The following TBC1D9 variants were observed in gnomAD, a reference collection of about 807,000 sequenced individuals.
TBC1D9 encodes the protein TBC1 domain family member 9.
TBC1D9 carries 63 observed loss-of-function variants against 132.0 expected under a neutral mutation model. The ratio of observed to expected loss-of-function variants is 0.48; its 90% confidence interval spans 0.39 to 0.59. TBC1D9 has a LOEUF of 0.59. Among genes scored for constraint, TBC1D9 ranks in the 20% least tolerant of loss-of-function variants. The probability of loss-of-function intolerance (pLI) is 0.00; values close to 1 mark genes in which losing one functional copy is unlikely to be tolerated. For synonymous variants in TBC1D9, 610 were observed against 609.9 expected, an observed-to-expected ratio of 1.00 and a Z score of 0.00; for missense variants, 1,261 against 1,592.7, an observed-to-expected ratio of 0.79 and a Z score of 3.54.
chr4:140,733,657 C>T (rs1042839835), intron 1 of TBC1D9, among the ~76,000 whole-genome samples: 1 of 152,154 alleles, frequency 6.6e-6, no homozygotes, highest in Non-Finnish European at 1.5e-5. Flanking sequence ...CCTGTTTCTA[C>T]TTTGAGTGTC....
chr4:140,739,586 G>A (rs945528378), intron 1 of TBC1D9, among the ~76,000 whole-genome samples: 2 of 152,176 alleles, frequency 1.3e-5, no homozygotes, highest in African/African-American at 4.8e-5. Flanking sequence ...TCAGCAGGAT[G>A]CCTGAATCAC....
rs529665296 is a variant in TBC1D9 at position 140,625,859 on chromosome 4, T to C, written c.2900-1471A>G. ...TATGTGTACAATTTGAATAAAAAACTGAAATATTTCAAGGTGAATTATTAG... is the reference window on the plus strand; with the variant it reads ...TATGTGTACAATTTGAATAAAAAACCGAAATATTTCAAGGTGAATTATTAG... On this transcript the variant is annotated intron_variant, in intron 18 of 20. Transcript: ENST00000442267. 1.1e-4 allele frequency among the ~76,000 whole-genome samples: 16 copies of C among 152,314 alleles called. No homozygotes were observed. The East Asian group carries it at 3.1e-3, about 29-fold the overall frequency.
intron 1 of TBC1D9, among the ~76,000 whole-genome samples, chr4:140,755,532 G>C (rs1738994321): frequency 6.6e-6 from 1 of 152,064 alleles, no homozygotes; most frequent in African/African-American, 2.4e-5. Flanking sequence ...AAAGAAAGTG[G>C]AGCAAAAATT....
intron 1 of TBC1D9, among the ~76,000 whole-genome samples, chr4:140,753,204 T>C (rs1738952200): frequency 1.3e-5 from 2 of 152,144 alleles, no homozygotes; most frequent in African/African-American, 2.4e-5. Context: ...CATCCATTCC[T>C]GGGAGGCTGA....
At chr4:140,676,301 C>T (rs545392039) in intron 6 of TBC1D9, among the ~76,000 whole-genome samples, 11 of 152,234 alleles carry the variant, frequency 7.2e-5, no homozygotes, top group Non-Finnish European at 1.3e-4. Context: ...ATAAAACAAG[C>T]TATTTCAATA....
chr4:140,684,489 C>T (rs1737751164), intron 3 of TBC1D9, among the ~76,000 whole-genome samples: 1 of 152,066 alleles, frequency 6.6e-6, no homozygotes, highest in Non-Finnish European at 1.5e-5. Flanking sequence ...GCAAATCCCT[C>T]CTCATAATTG....
At chr4:140,750,981 A>G (rs1417847847) in intron 1 of TBC1D9, among the ~76,000 whole-genome samples, 1 of 152,116 alleles carries the variant, frequency 6.6e-6, no homozygotes, top group Non-Finnish European at 1.5e-5. Flanking sequence ...AAGTTAAAAA[A>G]ATGCATCAAT....
rs1289854254 is a variant in TBC1D9 at position 140,706,750 on chromosome 4, T to C, written c.131-5136A>G. 6.6e-6 allele frequency among the ~76,000 whole-genome samples: 1 copy of C among 152,244 alleles called. No homozygotes were observed. The highest frequency in any genetic ancestry group is 2.4e-5 in the African/African-American group (1 of 41,468). On this transcript the variant is annotated intron_variant, in intron 1 of 20. Transcript: ENST00000442267. This position sits in a 1 kb window ranked among gnomAD's most constrained non-coding sequence, Gnocchi z 4.0. ...CTGATGAGTATTTTACAAATTTGTCTGCAAGGTACACTGCAGCTTATTTTT... is the reference window on the plus strand; with the variant it reads ...CTGATGAGTATTTTACAAATTTGTCCGCAAGGTACACTGCAGCTTATTTTT...
intron 1 of TBC1D9, among the ~76,000 whole-genome samples, chr4:140,743,611 C>T (rs1344460349): frequency 1.3e-5 from 2 of 152,206 alleles, no homozygotes; most frequent in Non-Finnish European, 2.9e-5. Context: ...GCATTCCCTG[C>T]ACACTGCTGT....
chr4:140,752,749 A>T (rs1738945178), intron 1 of TBC1D9, among the ~76,000 whole-genome samples: 1 of 152,134 alleles, frequency 6.6e-6, no homozygotes, highest in Non-Finnish European at 1.5e-5. Context: ...GGAATCAGGA[A>T]CCTAGAATAT....
intron 11 of TBC1D9, 119 bp from the exon 12 acceptor site, chr4:140,657,931 T>G (rs939854171): frequency 8.7e-7 from 1 of 1,153,472 alleles, no homozygotes; most frequent in East Asian, 2.4e-5. Context: ...CTGACTGTTC[T>G]GCTGTGACTG....
At chr4:140,644,374 G>T (rs957524980) in intron 13 of TBC1D9, 8 of 282,350 alleles carry the variant, frequency 2.8e-5, no homozygotes, top group Non-Finnish European at 5.0e-5. Context: ...GTGTAGGCAG[G>T]CGCCTTGGAC....
At chr4:140,654,733 T>A (rs955798486) in intron 13 of TBC1D9, among the ~76,000 whole-genome samples, 6 of 152,150 alleles carry the variant, frequency 3.9e-5, no homozygotes, top group Non-Finnish European at 8.8e-5. Context: ...ATTCTTTATC[T>A]CCAATAGTGG....
At position 140,622,677 on chromosome 4, in the gene TBC1D9, C is replaced by A. The variant is rs757008202; in HGVS notation, c.3319G>T (p.Val1107Leu). Residue 1107 changes from valine (V) to leucine (L), a missense_variant, in exon 21 of 21, where the codon GTG (valine) becomes TTG (leucine). Physicochemically the swap from Val to Leu is conservative, Grantham distance 32 (BLOSUM62 1). Around this residue, in one of 3 missense-constraint regions of TBC1D9, gnomAD observed 618 missense variants for 724.4 expected, o/e 0.85. Transcript: ENST00000442267. Reference sequence around the variant, plus strand: ...GCCGGCAGGGGCTCAACAGACTCCACCACGTAAGGCTGGCCTGGCCCTTTC... The same window carrying A: ...GCCGGCAGGGGCTCAACAGACTCCAACACGTAAGGCTGGCCTGGCCCTTTC... ...PKKGPGQPYV[V>L]ESVEPLPASL... 3.1e-6 allele frequency: 5 copies of A among 1,610,734 alleles called. No individual in the cohort carries two copies. Among genetic ancestry groups the A allele is most frequent in the Non-Finnish European group, 4.2e-6 (5 of 1,178,474 alleles).
rs1478426991 is a variant in TBC1D9, at chr4:140,661,918, C to T, written c.1778G>A (p.Arg593Gln). 10 of 1,613,800 alleles carry T rather than the reference C, an allele frequency of 6.2e-6. No homozygotes were observed. The highest frequency in any genetic ancestry group is 1.7e-5 in the Admixed American group (1 of 60,004). The change falls in exon 10 of 21, where the codon CGA becomes CAA. Residue 593 changes from arginine to glutamine, a missense_variant. Arg to Gln is a conservative substitution (Grantham distance 43). Coordinates refer to ENST00000442267, the MANE Select transcript of TBC1D9 (RefSeq NM_015130.3). ...LRRVLTAYAF[R>Q]NPNIGYCQAM... ...CTGGCAATACCCTATGTTGGGATTT[C>T]GAAAAGCATAAGCTGTTAAGACTCT...
At chr4:140,659,332 A>G in intron 11 of TBC1D9, 1 of 286,342 alleles carries the variant, frequency 3.5e-6, no homozygotes, top group East Asian at 5.7e-5. Flanking sequence ...CACATGTCAG[A>G]GTGACACACA....
At chr4:140,742,921 GAA>G (rs1401563786) in intron 1 of TBC1D9, among the ~76,000 whole-genome samples, 4 of 151,590 alleles carry the variant, frequency 2.6e-5, no homozygotes, top group African/African-American at 9.7e-5. Context: ...GAAAGAGAAA[GAA>G]AGAAACTACC....
At chr4:140,630,167 A>AT (rs1314974906) in intron 16 of TBC1D9, among the ~76,000 whole-genome samples, 4 of 152,064 alleles carry the variant, frequency 2.6e-5, no homozygotes, top group African/African-American at 9.6e-5. Flanking sequence ...ATCCTTATCA[A>AT]TTTTTTTTCA....
Position 140,748,730 on chromosome 4 carries a change from A to G in TBC1D9, c.130+7186T>C, listed in dbSNP as rs183969485. On this transcript the variant is annotated intron_variant, in intron 1 of 20. Coordinates refer to ENST00000442267, the MANE Select transcript of TBC1D9 (RefSeq NM_015130.3). ...AAATATCCTTCAAGAAAGAAAGCATAATAAAGACATTTGGAGACAAACAAA... is the reference window on the plus strand; with the variant it reads ...AAATATCCTTCAAGAAAGAAAGCATGATAAAGACATTTGGAGACAAACAAA... Among the ~76,000 whole-genome samples, 399 of 152,332 alleles carry G rather than the reference A, an allele frequency of 2.6e-3. 4 individuals are homozygous for G. Among genetic ancestry groups the G allele is most frequent in the Non-Finnish European group, 4.6e-3 (312 of 68,008 alleles).
Sources: allele counts gnomAD v4.1 joint callset (sites outside exome capture counted in the v4.1 genomes callset), GRCh38; gene constraint gnomAD v4.1.1; regional missense constraint gnomAD v4.1.1; non-coding constraint Gnocchi (gnomAD v3.1); transcripts MANE v1.5; gene names NCBI Gene and HGNC (gene_info 2026-07-23, HGNC 2026-07-21).